Variants in ZFPM2 observed in about 807,000 individuals in gnomAD.
ZFPM2 encodes zinc finger protein ZFPM2.
ZFPM2 carries 20 observed loss-of-function variants against 98.6 expected under a neutral mutation model. The observed-to-expected ratio is 0.20, with a 90% CI of 0.14 to 0.29. The LOEUF is 0.29. ZFPM2 is among the 10% of genes least tolerant of loss of function. The pLI, the probability that ZFPM2 is intolerant of heterozygous loss-of-function variation, is 1.00. For missense variants in ZFPM2, 1,310 were observed against 1,388.6 expected, an observed-to-expected ratio of 0.94 and a Z score of 0.90; for synonymous variants, 518 against 502.7, an observed-to-expected ratio of 1.03 and a Z score of -0.41.
chr8:105,762,285 T>C (rs1195769329), intron 5 of ZFPM2, among the ~76,000 whole-genome samples: 7 of 152,100 alleles, frequency 4.6e-5, no homozygotes, highest in Non-Finnish European at 2.9e-5. Context: ...TATTTGATTT[T>C]CCTCACTTTG....
intron 3 of ZFPM2, 28 bp from the exon 4 acceptor site, chr8:105,561,330 GTATTC>G (rs756505164): frequency 1.7e-4 from 265 of 1,545,894 alleles, no homozygotes; most frequent in Non-Finnish European, 2.3e-4. Context: ...GTACAAGTAA[GTATTC>G]TAAACACTTC....
chr8:105,523,032 A>G (rs73304177), intron 3 of ZFPM2, among the ~76,000 whole-genome samples: 15,164 of 152,222 alleles, frequency 0.1, 2,031 homozygotes, highest in African/African-American at 0.31. Context: ...TCTAGTTCTT[A>G]TTCTAGCCCT....
chr8:105,598,365 ATTACTTTTATTT>A (rs1816018286), intron 4 of ZFPM2, among the ~76,000 whole-genome samples: 1 of 152,104 alleles, frequency 6.6e-6, no homozygotes, highest in East Asian at 1.9e-4. Context: ...GATAGGACTG[ATTACTTTTATTT>A]TGATAAAGGG....
At chr8:105,483,089 G>C (rs977136224) in intron 3 of ZFPM2, among the ~76,000 whole-genome samples, 6 of 147,106 alleles carry the variant, frequency 4.1e-5, no homozygotes, top group Non-Finnish European at 8.9e-5. Context: ...TTAAACTCCT[G>C]GTCTCAAGCA....
chr8:105,369,830 GTGAGAGTGATTTCAAGAGCT>G (rs1417927773), intron 1 of ZFPM2, among the ~76,000 whole-genome samples: 4 of 152,106 alleles, frequency 2.6e-5, no homozygotes, highest in African/African-American at 9.7e-5. Flanking sequence ...TATGGGTGCA[GTGAGAGTGATTTCAAGAGCT>G]TATAATGTTA....
intron 1 of ZFPM2, among the ~76,000 whole-genome samples, chr8:105,320,627 C>T (rs1284794248): frequency 6.6e-6 from 1 of 152,102 alleles, no homozygotes. Flanking sequence ...TCATGGCTGT[C>T]ACCTGGGTTT....
At chr8:105,464,839 A>T (rs568607638) in intron 3 of ZFPM2, among the ~76,000 whole-genome samples, 24 of 151,952 alleles carry the variant, frequency 1.6e-4, no homozygotes, top group Non-Finnish European at 2.8e-4. Context: ...TGAAAGCACC[A>T]ATTCTAGGGA....
At chr8:105,736,171 A>G (rs1335208884) in intron 5 of ZFPM2, among the ~76,000 whole-genome samples, 1 of 151,998 alleles carries the variant, frequency 6.6e-6, no homozygotes, top group African/African-American at 2.4e-5. Context: ...GGTGAGCTAA[A>G]GTAGAAATCA....
At chr8:105,770,750 C>T (rs552501066) in intron 5 of ZFPM2, among the ~76,000 whole-genome samples, 1 of 152,194 alleles carries the variant, frequency 6.6e-6, no homozygotes, top group African/African-American at 2.4e-5. Context: ...AATAGTAAAG[C>T]ATTCTAGGCA....
intron 6 of ZFPM2, among the ~76,000 whole-genome samples, chr8:105,794,052 C>G (rs1243982669): frequency 1.3e-5 from 2 of 152,188 alleles, no homozygotes; most frequent in Non-Finnish European, 2.9e-5. Context: ...GTTTGATTGT[C>G]TGAAGCCTTC....
chr8:105,405,971 T>G (rs1024587142), intron 1 of ZFPM2, among the ~76,000 whole-genome samples: 1 of 152,178 alleles, frequency 6.6e-6, no homozygotes, highest in African/African-American at 2.4e-5. Context: ...TGATCGCCAT[T>G]CTGACTGGTG....
intron 3 of ZFPM2, among the ~76,000 whole-genome samples, chr8:105,536,066 C>A (rs1014713731): frequency 6.6e-6 from 1 of 151,996 alleles, no homozygotes; most frequent in Admixed American, 6.6e-5. Context: ...CTGGTTTAAA[C>A]AAAGATGCAG....
At position 105,801,733 on chromosome 8, in the gene ZFPM2, T is replaced by A; in HGVS notation, c.1651T>A (p.Phe551Ile). 1 of 1,613,904 alleles carries A rather than the reference T, an allele frequency of 6.2e-7. No homozygotes were observed. The highest frequency in any genetic ancestry group is 8.5e-7 in the Non-Finnish European group (1 of 1,179,878). ...TTTGATGCCCAAGGGGGCTACTTGT[T>A]TTGAGTGTAACATAACATTCAATAA... ...SPLMPKGATC[F>I]ECNITFNNLD... Residue 551 changes from phenylalanine to isoleucine, a missense_variant, in exon 8 of 8, where the codon TTT (phenylalanine) becomes ATT (isoleucine). By Grantham distance (21) the Phe-to-Ile change is conservative. Coordinates refer to ENST00000407775, the MANE Select transcript of ZFPM2 (RefSeq NM_012082.4).
intron 3 of ZFPM2, among the ~76,000 whole-genome samples, chr8:105,526,501 TC>T (rs1814176734): frequency 6.6e-6 from 1 of 152,178 alleles, no homozygotes; most frequent in Non-Finnish European, 1.5e-5. Flanking sequence ...ATCATTTTTT[TC>T]CTCCTAAATA....
chr8:105,574,818 A>AAC (rs1486477218), intron 4 of ZFPM2, among the ~76,000 whole-genome samples: 2 of 151,158 alleles, frequency 1.3e-5, no homozygotes, highest in African/African-American at 4.9e-5. Flanking sequence ...CTCTCCTCTG[A>AAC]AAGCCACTGC....
chr8:105,712,745 C>T lies in ZFPM2; in HGVS notation c.533-75973C>T, dbSNP rs114721247. Among the ~76,000 whole-genome samples the T allele has an allele frequency of 3.8e-3, 573 of 152,134 alleles. 1 individual carries two copies. Among genetic ancestry groups the T allele is most frequent in the African/African-American group, 0.013 (546 of 41,534 alleles). The stretch of plus-strand genomic sequence containing the variant: ...TTTGGAGTCCCCAGTGTCTTTGGTT[C>T]CCATCTTCATGTCCAAGTGTATTCA... On this transcript the variant is annotated intron_variant, in intron 5 of 7. Coordinates refer to ENST00000407775, the MANE Select transcript of ZFPM2 (RefSeq NM_012082.4).
intron 5 of ZFPM2, among the ~76,000 whole-genome samples, chr8:105,771,341 CA>C (rs1812974830): frequency 6.6e-6 from 1 of 152,020 alleles, no homozygotes. Context: ...CAACACCATC[CA>C]AATAACAGGA....
At chr8:105,721,714 AG>A (rs2130996512) in intron 5 of ZFPM2, among the ~76,000 whole-genome samples, 1 of 152,098 alleles carries the variant, frequency 6.6e-6, no homozygotes, top group African/African-American at 2.4e-5. Context: ...TACCTTCATC[AG>A]GCCTTCTATC....
intron 1 of ZFPM2, among the ~76,000 whole-genome samples, chr8:105,409,987 A>C (rs145633354): frequency 6.6e-6 from 1 of 152,022 alleles, no homozygotes; most frequent in Non-Finnish European, 1.5e-5. Flanking sequence ...TATTTTATTA[A>C]AATTTCTTTT....
Sources: allele counts gnomAD v4.1 joint callset (sites outside exome capture counted in the v4.1 genomes callset), GRCh38; gene constraint gnomAD v4.1.1; transcripts MANE v1.5; gene names NCBI Gene and HGNC (gene_info 2026-07-23, HGNC 2026-07-21).